Variants in FANCC observed in about 807,000 individuals in gnomAD.
The protein encoded by FANCC is FA complementation group C.
A neutral mutation model predicts 71.3 loss-of-function variants in FANCC; 55 were observed. That is an observed-to-expected ratio of 0.77 (90% CI 0.62 to 0.97). The LOEUF is 0.97. Ranked by LOEUF, FANCC falls within the 50% of genes least tolerant of loss-of-function variation. FANCC has a pLI of 0.00. For synonymous variants in FANCC, 275 were observed against 244.9 expected, an observed-to-expected ratio of 1.12 and a Z score of -1.15; for missense variants, 678 against 670.9, an observed-to-expected ratio of 1.01 and a Z score of -0.12.
chr9:95,232,167 G>A (rs1830050005), intron 4 of FANCC, among the ~76,000 whole-genome samples: 1 of 152,136 alleles, frequency 6.6e-6, no homozygotes, highest in Admixed American at 6.5e-5. Context: ...CAAGGGAGGT[G>A]CCACACACTT....
At position 95,200,188 on chromosome 9, in the gene FANCC, C is replaced by T. The variant is rs1335081901; in HGVS notation, c.346-28041G>A. Among the ~76,000 whole-genome samples, 7 of 152,110 alleles carry T rather than the reference C, an allele frequency of 4.6e-5. No homozygotes were observed. In the South Asian group the frequency reaches 8.3e-4, roughly 18 times the overall value. ...ACATGAACCACTGGGAGTTCATGCA[C>T]GGTAGCAGTCAGGGACCCTGGATCT... is the stretch of plus-strand genomic sequence containing the variant. On this transcript the variant is annotated intron_variant, in intron 4 of 14. Coordinates refer to ENST00000289081, the MANE Select transcript of FANCC (RefSeq NM_000136.3).
chr9:95,101,539 A>G lies in FANCC; in HGVS notation c.*168T>C, dbSNP rs2071071864. 3.6e-6 allele frequency: 3 copies of G among 826,922 alleles called. No individual in the cohort carries two copies. The highest frequency in any genetic ancestry group is 3.5e-4 in the Middle Eastern group (1 of 2,820). 51.2% of individuals were successfully genotyped at this position (826,922 alleles called of 1,614,324 possible). On this transcript the variant is annotated 3_prime_UTR_variant, in exon 15 of 15. Transcript: ENST00000289081. ...TCTGGGCTGAGGGACCTGGCTCTGC[A>G]TTTTGTAAAATAGATACTAGCAGAT... is the stretch of plus-strand genomic sequence containing the variant.
At chr9:95,292,905 T>G in intron 1 of FANCC, 2 of 1,583,688 alleles carry the variant, frequency 1.3e-6, no homozygotes, top group Non-Finnish European at 8.7e-7. Context: ...TGGCAAGACC[T>G]TCCGGTGCAC....
In FANCC at chr9:95,180,209, G is replaced by A. The variant is rs529268696; in HGVS notation, c.346-8062C>T. ...TCACTGTCTTCTACCTCCACATCTT[G>A]TCCCACTGGAAGGTCTTCAGGGGCA... is the stretch of plus-strand genomic sequence containing the variant. On this transcript the variant is annotated intron_variant, in intron 4 of 14. Coordinates refer to ENST00000289081, the MANE Select transcript of FANCC (RefSeq NM_000136.3). 1.6e-3 allele frequency among the ~76,000 whole-genome samples: 245 copies of A among 152,220 alleles called. 1 individual carries two copies. Among genetic ancestry groups the A allele is most frequent in the African/African-American group, 5.8e-3 (240 of 41,528 alleles).
chr9:95,245,086 G>A (rs537050043), intron 3 of FANCC, among the ~76,000 whole-genome samples: 20 of 152,004 alleles, frequency 1.3e-4, no homozygotes, highest in Admixed American at 2.0e-4. Flanking sequence ...TTACATCCAC[G>A]ATGTACATTT....
intron 1 of FANCC, among the ~76,000 whole-genome samples, chr9:95,255,688 G>A (rs981660390): frequency 7.2e-5 from 11 of 152,076 alleles, no homozygotes; most frequent in South Asian, 2.1e-4. Flanking sequence ...AAAACTGGAC[G>A]GACAATTAGT....
intron 1 of FANCC, among the ~76,000 whole-genome samples, chr9:95,277,839 AAT>A (rs1833135927): frequency 6.6e-6 from 1 of 152,208 alleles, no homozygotes. Flanking sequence ...ATGAAGGTGA[AAT>A]AAAGACTTTC....
At chr9:95,307,010 C>T (rs1835106552) in intron 1 of FANCC, among the ~76,000 whole-genome samples, 1 of 152,104 alleles carries the variant, frequency 6.6e-6, no homozygotes, top group Non-Finnish European at 1.5e-5. Flanking sequence ...TTGCATGTCA[C>T]ACTGTATGGG....
At position 95,101,600 on chromosome 9, in the gene FANCC, A is replaced by G; in HGVS notation, c.*107T>C. On this transcript the variant is annotated 3_prime_UTR_variant, in exon 15 of 15. Transcript: ENST00000289081. ...TGTGTACAGCTCATTCTCACAGCCC[A>G]GCGAGGGCACTTACTCCACAAATGC... 7.3e-7 allele frequency: 1 copy of G among 1,365,866 alleles called. No homozygotes were observed. The highest frequency in any genetic ancestry group is 1.0e-6 in the Non-Finnish European group (1 of 977,766). 84.6% of individuals were successfully genotyped at this position (1,365,866 alleles called of 1,614,324 possible).
chr9:95,303,480 T>G (rs1834879256), intron 1 of FANCC, among the ~76,000 whole-genome samples: 1 of 152,246 alleles, frequency 6.6e-6, no homozygotes, highest in African/African-American at 2.4e-5. Flanking sequence ...TTCGTCAGTT[T>G]AGGCTGCCAT....
intron 4 of FANCC, among the ~76,000 whole-genome samples, chr9:95,178,712 C>A (rs551187674): frequency 6.6e-6 from 1 of 152,342 alleles, no homozygotes; most frequent in East Asian, 1.9e-4. Context: ...GGTCAACACA[C>A]GGACACAGCA....
chr9:95,289,791 T>C (rs561993898), intron 1 of FANCC, among the ~76,000 whole-genome samples: 23 of 152,122 alleles, frequency 1.5e-4, no homozygotes, highest in East Asian at 9.7e-4. Flanking sequence ...GCTGAGACTA[T>C]AGGCACATGC....
At chr9:95,234,384 G>A (rs1448241871) in intron 4 of FANCC, among the ~76,000 whole-genome samples, 1 of 152,176 alleles carries the variant, frequency 6.6e-6, no homozygotes, top group Admixed American at 6.5e-5. Flanking sequence ...TGCCTTAGAG[G>A]ATAGTGGCCA....
At chr9:95,182,816 A>G (rs1826457955) in intron 4 of FANCC, among the ~76,000 whole-genome samples, 1 of 152,044 alleles carries the variant, frequency 6.6e-6, no homozygotes, top group African/African-American at 2.4e-5. Context: ...AGGGCTGGGG[A>G]AGAAGACAAA....
At chr9:95,190,173 C>A (rs1826995647) in intron 4 of FANCC, among the ~76,000 whole-genome samples, 1 of 152,094 alleles carries the variant, frequency 6.6e-6, no homozygotes, top group Non-Finnish European at 1.5e-5. Flanking sequence ...CACGCACACC[C>A]CCCATGTCCT....
rs539395280 is a variant in FANCC at position 95,265,141 on chromosome 9, CCT to C, written c.-78-15774_-78-15773del. 4.9e-4 allele frequency among the ~76,000 whole-genome samples: 74 copies of C among 152,246 alleles called. 1 individual carries two copies. The highest frequency in any genetic ancestry group is 1.7e-3 in the African/African-American group (69 of 41,558). ...TCTCTGTTGAGTCAGTGGCGTTCCA[CCT>C]CTGAGATAGTCTAATCAAAAACACA... On this transcript the variant is annotated intron_variant, in intron 1 of 14. Transcript: ENST00000289081.
At chr9:95,266,555 T>C (rs1832396092) in intron 1 of FANCC, among the ~76,000 whole-genome samples, 1 of 152,228 alleles carries the variant, frequency 6.6e-6, no homozygotes, top group African/African-American at 2.4e-5. Flanking sequence ...AAAGCAGTGC[T>C]CCTTGGCACC....
At chr9:95,294,487 CA>C (rs1201954009) in intron 1 of FANCC, 13 of 1,590,772 alleles carry the variant, frequency 8.2e-6, no homozygotes, top group Non-Finnish European at 1.0e-5. Flanking sequence ...CAGTAGCCCT[CA>C]TCTGCCTCTG....
intron 4 of FANCC, among the ~76,000 whole-genome samples, chr9:95,221,003 G>A (rs1380475531): frequency 3.3e-5 from 5 of 151,962 alleles, no homozygotes; most frequent in Admixed American, 2.0e-4. Context: ...AGGCTGAGGC[G>A]GGCAGATCAC....
Sources: allele counts gnomAD v4.1 joint callset (sites outside exome capture counted in the v4.1 genomes callset), GRCh38; gene constraint gnomAD v4.1.1; transcripts MANE v1.5; gene names NCBI Gene and HGNC (gene_info 2026-07-23, HGNC 2026-07-21).